Variants in COL11A1 observed in about 807,000 individuals in gnomAD.
COL11A1 encodes collagen alpha-1(XI) chain.
A neutral mutation model predicts 265.2 loss-of-function variants in COL11A1; 74 were observed. The ratio of observed to expected loss-of-function variants is 0.28; its 90% confidence interval spans 0.23 to 0.34. The LOEUF (loss-of-function observed/expected upper bound fraction) is 0.34, where lower values mean the gene tolerates loss of function less well. Among genes scored for constraint, COL11A1 ranks in the 10% least tolerant of loss-of-function variants. The probability of loss-of-function intolerance (pLI) is 1.00; values close to 1 mark genes in which losing one functional copy is unlikely to be tolerated. For missense variants in COL11A1, 2,165 were observed against 2,263.6 expected (o/e 0.96, Z 0.88); for synonymous variants, 816 against 727.6 (o/e 1.12, Z -1.96).
chr1:103,082,832 T>G lies in COL11A1; in HGVS notation c.247A>C (p.Ser83Arg). ...AYRVSKQAQL[S>R]APTKQLFPGG... ...GGAAATAACTGTTTTGTTGGGGCAC[T>G]GAGTTGTGCTTGCTTTGAAACTCTG... Residue 83 changes from serine (S) to arginine (R), a missense_variant, in exon 2 of 67, where the codon AGT (serine) becomes CGT (arginine). Ser to Arg is a moderately radical substitution (Grantham distance 110). Transcript: ENST00000370096. 1.2e-6 allele frequency: 2 copies of G among 1,613,580 alleles called. No homozygotes were observed. Among genetic ancestry groups the G allele is most frequent in the Non-Finnish European group, 1.7e-6 (2 of 1,179,600 alleles).
chr1:102,938,320 T>C lies in COL11A1; in HGVS notation c.3438+715A>G, dbSNP rs1414265898. Among the ~76,000 whole-genome samples the C allele has an allele frequency of 2.6e-5, 4 of 151,812 alleles. No homozygotes were observed. The East Asian group carries it at 7.7e-4, about 29-fold the overall frequency. On this transcript the variant is annotated intron_variant, in intron 44 of 66. Transcript: ENST00000370096. ...GGTGAAAAAAAAAACTTGAAGGACA[T>C]ATCTCTGTACTCCCCCAATTTATGT... is the stretch of plus-strand genomic sequence containing the variant.
In COL11A1 at chr1:102,888,228, G is replaced by A. The variant is rs550232133; in HGVS notation, c.4608+349C>T. ...TCTTTATAATGCACTAGGAAAAAATGTGAAGCATCTGAATTTTTGTCATTA... is the reference window on the plus strand; with the variant it reads ...TCTTTATAATGCACTAGGAAAAAATATGAAGCATCTGAATTTTTGTCATTA... On this transcript the variant is annotated intron_variant, in intron 62 of 66. Transcript: ENST00000370096. 2.4e-3 allele frequency among the ~76,000 whole-genome samples: 369 copies of A among 152,214 alleles called. 2 individuals carry two copies. The highest frequency in any genetic ancestry group is 4.3e-3 in the Non-Finnish European group (294 of 68,004).
chr1:103,027,608 T>C (rs1571084498), intron 5 of COL11A1, among the ~76,000 whole-genome samples: 1 of 151,838 alleles, frequency 6.6e-6, no homozygotes, highest in East Asian at 1.9e-4. Context: ...GGATCTCTCT[T>C]TGCATTTTAA....
intron 4 of COL11A1, among the ~76,000 whole-genome samples, chr1:103,069,711 A>G (rs1205240329): frequency 6.6e-6 from 1 of 151,946 alleles, no homozygotes; most frequent in Admixed American, 6.6e-5. Context: ...CCTTAAACTA[A>G]AACAAACAGC....
At chr1:102,931,086 A>G (rs1657373217) in intron 46 of COL11A1, among the ~76,000 whole-genome samples, 1 of 139,662 alleles carries the variant, frequency 7.2e-6, no homozygotes. Flanking sequence ...TTGTGTCTCT[A>G]TTTCCTTCAG....
intron 42 of COL11A1, among the ~76,000 whole-genome samples, chr1:102,945,168 A>G (rs139333947): frequency 3.7e-4 from 56 of 152,212 alleles, no homozygotes; most frequent in African/African-American, 1.3e-3. Flanking sequence ...TGATTAGGCC[A>G]TGAGGGCAAA....
Position 103,012,600 on chromosome 1 carries a change from G to T in COL11A1, c.1573-131C>A, listed in dbSNP as rs149170340. The T allele has an allele frequency of 8.7e-4, 632 of 722,500 alleles. 6 individuals carry two copies. The African/African-American group carries it at 9.5e-3, about 11-fold the overall frequency. The allele number at this position is 722,500 out of a possible 1,614,324, so 44.8% of individuals were successfully genotyped here. ...AGATTTAATAACTACATGCTAGAAA[G>T]AGTGTCAGGTTACTGAAGAACTGCA... On this transcript the variant is annotated intron_variant, in intron 13 of 66. Transcript: ENST00000370096.
chr1:103,060,082 T>G (rs1670552748), intron 4 of COL11A1, among the ~76,000 whole-genome samples: 1 of 151,916 alleles, frequency 6.6e-6, no homozygotes, highest in Non-Finnish European at 1.5e-5. Context: ...AAATCTAAGA[T>G]AAATTTAAAA....
chr1:102,895,575 A>T (rs114031268), intron 57 of COL11A1, among the ~76,000 whole-genome samples: 1 of 152,032 alleles, frequency 6.6e-6, no homozygotes, highest in Admixed American at 6.6e-5. Flanking sequence ...ATGAGGAAAA[A>T]ATTCATCATG....
Position 103,018,827 on chromosome 1 carries a change from T to C in COL11A1, c.1341A>G (p.Ala447=), listed in dbSNP as rs372963982. The C allele has an allele frequency of 3.7e-5, 59 of 1,612,276 alleles. No individual in the cohort carries two copies. The highest frequency in any genetic ancestry group is 4.7e-5 in the Non-Finnish European group (55 of 1,178,714). ...GMLVEGPPGP[A]GPAGIMGPPG... ...TAAAACATTTACATACTGCAGGTCC[T>C]GCTGGTCCTGGTGGTCCTTCGACAA... The change falls in exon 10 of 67, where the codon GCA becomes GCG. Residue 447 remains alanine, a synonymous_variant. Transcript: ENST00000370096.
intron 54 of COL11A1, among the ~76,000 whole-genome samples, chr1:102,907,152 A>C (rs1232161213): frequency 1.3e-5 from 2 of 152,146 alleles, no homozygotes; most frequent in African/African-American, 4.8e-5. Context: ...TTTGTAAGCA[A>C]TGCATAGTCA....
chr1:102,957,551 T>C (rs917849623), intron 41 of COL11A1, among the ~76,000 whole-genome samples: 2 of 152,078 alleles, frequency 1.3e-5, no homozygotes, highest in African/African-American at 4.8e-5. Context: ...CTGACAAACA[T>C]CTTGTCATTA....
rs147146002 is a variant in COL11A1 at position 102,958,645 on chromosome 1, T to A, written c.3168+3221A>T. ...TGTATGGTGTCTTCCTTTTAGTGAA[T>A]CCTTTTCCAACAACTTTAAGGAATA... On this transcript the variant is annotated intron_variant, in intron 41 of 66. Coordinates refer to ENST00000370096, the MANE Select transcript of COL11A1 (RefSeq NM_001854.4). Among the ~76,000 whole-genome samples the A allele has an allele frequency of 1.2e-3, 177 of 152,292 alleles. 1 individual carries two copies. Among genetic ancestry groups the A allele is most frequent in the Admixed American group, 6.0e-3 (92 of 15,284 alleles).
chr1:103,078,165 CTCTGCT>C (rs1294020684), intron 3 of COL11A1, among the ~76,000 whole-genome samples: 2 of 152,094 alleles, frequency 1.3e-5, no homozygotes, highest in African/African-American at 2.4e-5. Context: ...TCTGGCCTCC[CTCTGCT>C]TCTCCATCCT....
chr1:102,899,137 A>G (rs1317263710), intron 54 of COL11A1, 143 bp from the exon 55 acceptor site: 5 of 347,650 alleles, frequency 1.4e-5, no homozygotes, highest in African/African-American at 2.2e-5. Context: ...AAACATAATA[A>G]CGAAAATCAA....
chr1:102,897,081 C>T (rs1457527909), intron 57 of COL11A1, among the ~76,000 whole-genome samples: 1 of 151,872 alleles, frequency 6.6e-6, no homozygotes, highest in Non-Finnish European at 1.5e-5. Context: ...AATAAGTGAT[C>T]TTTAAATTCT....
intron 58 of COL11A1, 123 bp downstream of exon 58, chr1:102,890,328 T>C: frequency 2.3e-6 from 2 of 884,936 alleles, no homozygotes; most frequent in East Asian, 2.7e-5. Context: ...TTGAAGCTTT[T>C]TTCAGGGTTA....
intron 28 of COL11A1, among the ~76,000 whole-genome samples, chr1:102,990,993 G>T (rs1431660217): frequency 2.6e-5 from 4 of 151,898 alleles, no homozygotes; most frequent in Admixed American, 2.0e-4. Flanking sequence ...AGATCACTCC[G>T]CTGCACTCCA....
chr1:103,102,402 A>G (rs1373240940), intron 1 of COL11A1, among the ~76,000 whole-genome samples: 1 of 152,034 alleles, frequency 6.6e-6, no homozygotes, highest in Non-Finnish European at 1.5e-5. Context: ...TTATAACATC[A>G]GCGTTTATCT....
Sources: allele counts gnomAD v4.1 joint callset (sites outside exome capture counted in the v4.1 genomes callset), GRCh38; gene constraint gnomAD v4.1.1; transcripts MANE v1.5; gene names NCBI Gene and HGNC (gene_info 2026-07-23, HGNC 2026-07-21).